Variants in RAB13 observed in about 807,000 individuals in gnomAD.
RAB13 encodes the protein ras-related protein Rab-13.
A neutral mutation model predicts 29.3 loss-of-function variants in RAB13; 15 were observed. The observed-to-expected ratio is 0.51, with a 90% CI of 0.34 to 0.79. RAB13 has a LOEUF of 0.79. Among genes scored for constraint, RAB13 ranks in the 30% least tolerant of loss-of-function variants. The probability of loss-of-function intolerance (pLI) is 0.01; values close to 1 mark genes in which losing one functional copy is unlikely to be tolerated. For synonymous variants in RAB13, 82 were observed against 93.8 expected, an observed-to-expected ratio of 0.87 and a Z score of 0.73; for missense variants, 186 against 255.5, an observed-to-expected ratio of 0.73 and a Z score of 1.85.
rs756322497 is a variant in RAB13 at position 153,982,412 on chromosome 1, G to A, written c.513C>T (p.Leu171=). Residue 171 remains leucine (L), a synonymous_variant, in exon 7 of 8, where the codon CTC becomes CTT. Coordinates refer to ENST00000368575, the MANE Select transcript of RAB13 (RefSeq NM_002870.5). The part of the protein sequence containing the change: ...AFSSLARDIL[L]KSGGRRSGNG... ...TTACTGATCTCCGGCCTCCTGACTTGAGCAAGATGTCCCGGGCCAGGGAAC... is the reference window on the plus strand; with the variant it reads ...TTACTGATCTCCGGCCTCCTGACTTAAGCAAGATGTCCCGGGCCAGGGAAC... 2.5e-6 allele frequency: 4 copies of A among 1,613,760 alleles called. No individual in the cohort carries two copies. Among genetic ancestry groups the A allele is most frequent in the Admixed American group, 3.3e-5 (2 of 60,004 alleles).
chr1:153,982,517 T>A lies in RAB13; in HGVS notation c.480+18A>T. On this transcript the variant is annotated intron_variant, in intron 6 of 7. Coordinates refer to ENST00000368575, the MANE Select transcript of RAB13 (RefSeq NM_002870.5). ...TAATACTTCCTCTCTTGGTCGGGGA[T>A]GGGGGTGTGGATCTCACCTCATCCA... 1 of 1,610,694 alleles carries A rather than the reference T, an allele frequency of 6.2e-7. No individual in the cohort carries two copies. The highest frequency in any genetic ancestry group is 8.5e-7 in the Non-Finnish European group (1 of 1,176,926).
upstream of RAB13, among the ~76,000 whole-genome samples, chr1:153,988,244 G>A (rs1046542539): frequency 1.0e-4 from 15 of 150,384 alleles, no homozygotes; most frequent in Non-Finnish European, 1.9e-4. Context: ...CGCCCGCCTC[G>A]GCCTCCCAAA....
At chr1:153,982,289 T>C in intron 7 of RAB13, 102 bp downstream of exon 7, 1 of 1,501,402 alleles carries the variant, frequency 6.7e-7, no homozygotes, top group South Asian at 1.1e-5. Context: ...TGCTCCCCGT[T>C]TTTATCAACA....
In RAB13 at chr1:153,983,905, C is replaced by T. The variant is rs539362579; in HGVS notation, c.186-324G>A. Among the ~76,000 whole-genome samples, 31 of 152,182 alleles carry T rather than the reference C, an allele frequency of 2.0e-4. 2 individuals carry two copies. The highest frequency in any genetic ancestry group is 1.7e-3 in the Admixed American group (26 of 15,280). ...AAAAATGAGGAAACACGCCAGGTGC[C>T]GTGGCTTGCGTCTATAATCCCAACA... On this transcript the variant is annotated intron_variant, in intron 2 of 7. Coordinates refer to ENST00000368575, the MANE Select transcript of RAB13 (RefSeq NM_002870.5).
upstream of RAB13, chr1:153,986,467 T>C: frequency 1.9e-6 from 1 of 531,004 alleles, no homozygotes; most frequent in South Asian, 2.4e-5. Context: ...TTCTCTCGGT[T>C]TTCCCTTCCT....
At chr1:153,984,150 C>T (rs1352163291) in intron 2 of RAB13, among the ~76,000 whole-genome samples, 2 of 143,216 alleles carry the variant, frequency 1.4e-5, no homozygotes, top group South Asian at 2.2e-4. Context: ...GCACTCCAGC[C>T]TGGGTGACAA....
chr1:153,984,251 T>C (rs1376262741), intron 2 of RAB13, among the ~76,000 whole-genome samples: 3 of 149,174 alleles, frequency 2.0e-5, no homozygotes, highest in Non-Finnish European at 1.5e-5. Context: ...AGGCAGGAGA[T>C]AACTAAAAGA....
intron 3 of RAB13, 21 bp from the exon 4 acceptor site, chr1:153,983,317 C>T (rs1396312978): frequency 6.2e-7 from 1 of 1,607,634 alleles, no homozygotes; most frequent in Non-Finnish European, 8.5e-7. Flanking sequence ...ACAAAATTCA[C>T]CTTGGACCAT....
intron 1 of RAB13, 102 bp downstream of exon 1, chr1:153,986,011 C>T: frequency 1.3e-6 from 2 of 1,538,576 alleles, no homozygotes; most frequent in Non-Finnish European, 1.8e-6. Context: ...AATTTAGGAG[C>T]CTTACTCTAA....
intron 1 of RAB13, among the ~76,000 whole-genome samples, chr1:153,985,799 G>T (rs993324657): frequency 6.6e-6 from 1 of 152,160 alleles, no homozygotes; most frequent in African/African-American, 2.4e-5. Flanking sequence ...AGTTCTAGGT[G>T]GTGGGGGTAG....
chr1:153,985,988 G>C, intron 1 of RAB13, 125 bp downstream of exon 1: 2 of 1,483,880 alleles, frequency 1.3e-6, no homozygotes. Context: ...AGAGCCAGGG[G>C]TTGAGGGACT....
At position 153,982,605 on chromosome 1, in the gene RAB13, A is replaced by G. The variant is rs772575766; in HGVS notation, c.415-5T>C. ...GATTCCATGCTCTCGAGCCAACTATAAGGGGTGAAGTGGGAAGAGAATTGA... is the reference window on the plus strand; with the variant it reads ...GATTCCATGCTCTCGAGCCAACTATGAGGGGTGAAGTGGGAAGAGAATTGA... On this transcript the variant is annotated splice_polypyrimidine_tract_variant and splice_region_variant and intron_variant, in intron 5 of 7. Transcript: ENST00000368575. 5 of 1,613,270 alleles carry G rather than the reference A, an allele frequency of 3.1e-6. No homozygotes were observed. The highest frequency in any genetic ancestry group is 3.4e-6 in the Non-Finnish European group (4 of 1,179,244).
At chr1:153,986,965 AAC>A (rs1649188165), upstream of RAB13, among the ~76,000 whole-genome samples, 2 of 152,088 alleles carry the variant, frequency 1.3e-5, no homozygotes, top group Admixed American at 6.5e-5. Context: ...CCACCACCCC[AAC>A]ACACACAGCC....
upstream of RAB13, among the ~76,000 whole-genome samples, chr1:153,989,760 C>G (rs1430470405): frequency 6.6e-6 from 1 of 151,582 alleles, no homozygotes; most frequent in Non-Finnish European, 1.5e-5. Flanking sequence ...GGCATGGTGC[C>G]GCATGCCTGT....
chr1:153,982,640 A>G lies in RAB13; in HGVS notation c.415-40T>C, dbSNP rs545276571. ...GTGGGAAGAGAATTGAATTAAGGAC[A>G]GCAGCCAAGTCCTCTGCAATGCAAC... On this transcript the variant is annotated intron_variant, in intron 5 of 7. Coordinates refer to ENST00000368575, the MANE Select transcript of RAB13 (RefSeq NM_002870.5). 7.5e-5 allele frequency: 120 copies of G among 1,610,186 alleles called. 3 individuals are homozygous for G. The South Asian group carries it at 1.3e-3, about 17-fold the overall frequency.
At chr1:153,982,627 T>A in intron 5 of RAB13, 27 bp from the exon 6 acceptor site, 1 of 1,612,364 alleles carries the variant, frequency 6.2e-7, no homozygotes, top group Non-Finnish European at 8.5e-7. Context: ...GGGAAGAGAA[T>A]TGAATTAAGG....
At chr1:153,988,481 C>T (rs886311228), upstream of RAB13, among the ~76,000 whole-genome samples, 2 of 146,402 alleles carry the variant, frequency 1.4e-5, no homozygotes, top group Non-Finnish European at 3.0e-5. Context: ...TAGGGAGAGA[C>T]GGGGTTTCAC....
At chr1:153,985,321 T>A (rs1435021999) in intron 1 of RAB13, 7 of 984,852 alleles carry the variant, frequency 7.1e-6, no homozygotes, top group Non-Finnish European at 8.4e-6. Flanking sequence ...TTTTTCCTTT[T>A]CCTTTGTAAC....
chr1:153,987,447 C>G (rs1649204432), upstream of RAB13, among the ~76,000 whole-genome samples: 1 of 146,284 alleles, frequency 6.8e-6, no homozygotes, highest in African/African-American at 2.5e-5. Context: ...ACCCGGGAGG[C>G]AGAGCTTGCA....
Sources: allele counts gnomAD v4.1 joint callset (sites outside exome capture counted in the v4.1 genomes callset), GRCh38; gene constraint gnomAD v4.1.1; transcripts MANE v1.5; gene names NCBI Gene and HGNC (gene_info 2026-07-23, HGNC 2026-07-21).